The following DAPK2 variants were observed in gnomAD, a reference collection of about 807,000 sequenced individuals.
DAPK2 encodes death associated protein kinase 2.
In DAPK2, 35 loss-of-function variants were observed where a neutral mutation model predicts 44.1. That is an observed-to-expected ratio of 0.79 (90% CI 0.61 to 1.05). DAPK2 has a LOEUF of 1.05. DAPK2 is among the 50% of genes least tolerant of loss of function. The pLI, the probability that DAPK2 is intolerant of heterozygous loss-of-function variation, is 0.00. For synonymous variants in DAPK2, 174 were observed against 182.6 expected, an observed-to-expected ratio of 0.95 and a Z score of 0.38; for missense variants, 453 against 483.2, an observed-to-expected ratio of 0.94 and a Z score of 0.59.
At chr15:63,922,340 A>G in intron 8 of DAPK2, 1 of 1,002,688 alleles carries the variant, frequency 1.0e-6, no homozygotes, top group Middle Eastern at 5.2e-4. Context: ...TTCCTAATTA[A>G]CTCAAATATT....
chr15:63,930,294 T>G, intron 5 of DAPK2, 113 bp downstream of exon 6: 1 of 1,047,388 alleles, frequency 9.5e-7, no homozygotes. Context: ...CTCTGAACAG[T>G]GAGTGTGGAG....
At chr15:64,015,837 A>G (rs1330736356) in intron 1 of DAPK2, among the ~76,000 whole-genome samples, 2 of 152,218 alleles carry the variant, frequency 1.3e-5, no homozygotes, top group African/African-American at 4.8e-5. Context: ...GGAGACAGGT[A>G]TGGAACTGAT....
chr15:63,955,058 T>A (rs142717385), intron 3 of DAPK2, among the ~76,000 whole-genome samples: 2 of 152,208 alleles, frequency 1.3e-5, no homozygotes, highest in Admixed American at 1.3e-4. Context: ...TTTGGTGGAG[T>A]CTTCAGGTTT....
chr15:64,006,638 A>C (rs1462154143), intron 1 of DAPK2, among the ~76,000 whole-genome samples: 1 of 152,180 alleles, frequency 6.6e-6, no homozygotes, highest in Non-Finnish European at 1.5e-5. Flanking sequence ...TCTTACCGTC[A>C]CCTCACTTTA....
intron 1 of DAPK2, among the ~76,000 whole-genome samples, chr15:64,008,607 A>G (rs1226954956): frequency 6.6e-6 from 1 of 152,260 alleles, no homozygotes; most frequent in Non-Finnish European, 1.5e-5. Context: ...CAATTATATA[A>G]ACATTAAAAT....
intron 3 of DAPK2, among the ~76,000 whole-genome samples, chr15:63,952,584 T>A (rs551784980): frequency 9.9e-5 from 15 of 152,162 alleles, no homozygotes; most frequent in Admixed American, 9.8e-4. Flanking sequence ...AGTGGGTTCA[T>A]TCACCCTATG....
chr15:64,046,320 G>T lies in DAPK2; in HGVS notation c.-29C>A. ...CACGGCGGGAGGCTGAGCTGCCGCG[G>T]TCGCGGCCGCGGCAGGCGCGGCGGG... On this transcript the variant is annotated 5_prime_UTR_variant, in exon 1 of 12. Coordinates refer to the DAPK2 transcript ENST00000457488. The surrounding 1 kb of genome is among the most constrained non-coding windows in gnomAD (Gnocchi z 5.3). 2.1e-6 allele frequency: 2 copies of T among 974,832 alleles called. No individual in the cohort carries two copies. The highest frequency in any genetic ancestry group is 2.4e-6 in the Non-Finnish European group (2 of 824,410). The allele number at this position is 974,832 out of a possible 1,614,324, so 60.4% of individuals were successfully genotyped here.
At chr15:64,014,787 G>A (rs2079478328) in intron 1 of DAPK2, among the ~76,000 whole-genome samples, 1 of 152,192 alleles carries the variant, frequency 6.6e-6, no homozygotes, top group East Asian at 1.9e-4. Flanking sequence ...GGGCATGGTG[G>A]TGGGCACCTG....
At chr15:64,006,457 G>A (rs949889838) in intron 1 of DAPK2, among the ~76,000 whole-genome samples, 1 of 152,038 alleles carries the variant, frequency 6.6e-6, no homozygotes, top group African/African-American at 2.4e-5. Flanking sequence ...ACCAGCTAAG[G>A]ACGTACAACA....
chr15:63,967,010 T>TCTA (rs1384768128), intron 3 of DAPK2, among the ~76,000 whole-genome samples: 1 of 151,900 alleles, frequency 6.6e-6, no homozygotes, highest in East Asian at 1.9e-4. Context: ...AAACCCCGTC[T>TCTA]CTACTAAAAA....
chr15:64,045,738 C>T (rs937182898), intron 1 of DAPK2, among the ~76,000 whole-genome samples: 1 of 152,228 alleles, frequency 6.6e-6, no homozygotes, highest in Middle Eastern at 3.2e-3. Context: ...TTGGCAACGC[C>T]CTTCCAAGCC....
chr15:63,968,402 C>T (rs1261957083), intron 3 of DAPK2, among the ~76,000 whole-genome samples: 1 of 152,182 alleles, frequency 6.6e-6, no homozygotes, highest in African/African-American at 2.4e-5. Context: ...AGACTGTTTC[C>T]AGGTAATGGA....
At chr15:63,968,453 A>G (rs2078116430) in intron 3 of DAPK2, among the ~76,000 whole-genome samples, 1 of 152,218 alleles carries the variant, frequency 6.6e-6, no homozygotes, top group Non-Finnish European at 1.5e-5. Context: ...AGCCCTCGCC[A>G]GCAGTTCTAC....
At chr15:63,996,579 A>C (rs140683667) in intron 1 of DAPK2, among the ~76,000 whole-genome samples, 389 of 152,304 alleles carry the variant, frequency 2.6e-3, no homozygotes, top group South Asian at 6.2e-3. Context: ...TGTGCCTCTC[A>C]TCATAGGTTG....
intron 4 of DAPK2, among the ~76,000 whole-genome samples, chr15:63,933,576 T>C (rs919767343): frequency 1.4e-5 from 2 of 148,142 alleles, no homozygotes; most frequent in African/African-American, 5.0e-5. Flanking sequence ...CTTACTGAAG[T>C]AGCAGTTCAG....
At chr15:63,985,002 C>T (rs1567252867) in intron 1 of DAPK2, among the ~76,000 whole-genome samples, 1 of 152,238 alleles carries the variant, frequency 6.6e-6, no homozygotes, top group Non-Finnish European at 1.5e-5. Flanking sequence ...TCTATGGCAG[C>T]CACTTCAGAG....
Position 63,912,111 on chromosome 15 carries a change from C to G in DAPK2, c.945G>C (p.Trp315Cys). The G allele has an allele frequency of 6.6e-7, 1 of 1,505,464 alleles. No individual in the cohort carries two copies. Among genetic ancestry groups the G allele is most frequent in the South Asian group, 1.1e-5 (1 of 89,518 alleles). 93.3% of individuals were successfully genotyped at this position (1,505,464 alleles called of 1,614,324 possible). The stretch of plus-strand genomic sequence containing the variant: ...GCCGCCCCAACCCTGGACACACCTT[C>G]CACCGCCTGCGGACATACTGCTTCC... Residue 315 changes from tryptophan to cysteine, a missense_variant, in exon 9 of 11, where the codon TGG becomes TGC. Physicochemically the swap from Trp to Cys is radical, Grantham distance 215. Transcript: ENST00000261891. The surrounding 1 kb of genome is among the most constrained non-coding windows in gnomAD (Gnocchi z 4.4).
chr15:63,964,196 T>G (rs1470403620), intron 3 of DAPK2, among the ~76,000 whole-genome samples: 2 of 152,218 alleles, frequency 1.3e-5, no homozygotes, highest in Non-Finnish European at 2.9e-5. Context: ...CTCCTTTATG[T>G]TTGAAGGATA....
chr15:64,001,975 T>C (rs1219394915), intron 1 of DAPK2, among the ~76,000 whole-genome samples: 1 of 152,172 alleles, frequency 6.6e-6, no homozygotes, highest in African/African-American at 2.4e-5. Context: ...AAACACAAAT[T>C]AATAAATATC....
Sources: allele counts gnomAD v4.1 joint callset (sites outside exome capture counted in the v4.1 genomes callset), GRCh38; gene constraint gnomAD v4.1.1; non-coding constraint Gnocchi (gnomAD v3.1); transcripts MANE v1.5; gene names NCBI Gene and HGNC (gene_info 2026-07-23, HGNC 2026-07-21).